The following CCBE1 variants were observed in gnomAD, a reference collection of about 807,000 sequenced individuals.
The protein encoded by CCBE1 is collagen and calcium binding EGF domains 1.
CCBE1 carries 37 observed loss-of-function variants against 50.0 expected under a neutral mutation model. The ratio of observed to expected loss-of-function variants is 0.74; its 90% CI spans 0.57 to 0.97. The LOEUF (loss-of-function observed/expected upper bound fraction) is 0.97. Among genes scored for constraint, CCBE1 ranks in the 50% least tolerant of loss-of-function variants. The pLI is 0.00. For missense variants in CCBE1, 538 were observed against 523.8 expected (o/e 1.03, Z -0.26); for synonymous variants, 234 against 203.7 (o/e 1.15, Z -1.27).
At chr18:59,536,983 T>G (rs1915275786) in intron 2 of CCBE1, among the ~76,000 whole-genome samples, 1 of 133,066 alleles carries the variant, frequency 7.5e-6, no homozygotes, top group South Asian at 2.4e-4. Context: ...AGAGTGAGAC[T>G]CTGTCTCAAA....
intron 2 of CCBE1, among the ~76,000 whole-genome samples, chr18:59,684,092 G>C (rs767337002): frequency 1.3e-5 from 2 of 152,164 alleles, no homozygotes; most frequent in Non-Finnish European, 2.9e-5. Flanking sequence ...TAAACACTGA[G>C]GGTTTCTGGA....
rs555160847 is a variant in CCBE1, at chr18:59,550,998, C to CAAA, written c.213-70763_213-70761dup. On this transcript the variant is annotated intron_variant, in intron 2 of 10. Transcript: ENST00000439986. ...CCAGCCTGGGCAACACAGCGAGACT[C>CAAA]AAAAAAAAAAAAAAAAAAAAAAAAA... 3.8e-3 allele frequency among the ~76,000 whole-genome samples: 268 copies of CAAA among 71,316 alleles called. 5 individuals are homozygous for CAAA. Among genetic ancestry groups the CAAA allele is most frequent in the Non-Finnish European group, 4.9e-3 (193 of 39,014 alleles). The allele number at this position is 71,316 out of a possible 152,430, so 46.8% of individuals were successfully genotyped here.
At chr18:59,551,548 A>G (rs1024427019) in intron 2 of CCBE1, among the ~76,000 whole-genome samples, 8 of 152,240 alleles carry the variant, frequency 5.3e-5, no homozygotes, top group Non-Finnish European at 1.0e-4. Flanking sequence ...TTTCAGCTAC[A>G]TTATAACCTT....
chr18:59,633,207 T>C (rs2053872608), intron 2 of CCBE1, among the ~76,000 whole-genome samples: 1 of 152,212 alleles, frequency 6.6e-6, no homozygotes, highest in Non-Finnish European at 1.5e-5. Context: ...CAAGTATTTA[T>C]GCAATTACAC....
Position 59,619,181 on chromosome 18 carries a change from T to C in CCBE1, c.212+77448A>G, listed in dbSNP as rs375509590. Among the ~76,000 whole-genome samples, 3 of 152,398 alleles carry C rather than the reference T, an allele frequency of 2.0e-5. No homozygotes were observed. The South Asian group carries it at 6.2e-4, about 32-fold the overall frequency. On this transcript the variant is annotated intron_variant, in intron 2 of 10. Coordinates refer to ENST00000439986, the MANE Select transcript of CCBE1 (RefSeq NM_133459.4). Reference sequence around the variant, plus strand: ...CCACCATTATATAGTACATGTTTACTTGAATGCTAAAATAAAATTTTAAAA... The same window carrying C: ...CCACCATTATATAGTACATGTTTACCTGAATGCTAAAATAAAATTTTAAAA...
chr18:59,461,501 T>C (rs1911473042), intron 5 of CCBE1, among the ~76,000 whole-genome samples: 1 of 152,138 alleles, frequency 6.6e-6, no homozygotes, highest in Non-Finnish European at 1.5e-5. Flanking sequence ...TGGTTACTGG[T>C]GTTTCAATTT....
intron 2 of CCBE1, among the ~76,000 whole-genome samples, chr18:59,527,076 G>C (rs1007069061): frequency 1.3e-5 from 2 of 151,874 alleles, no homozygotes; most frequent in African/African-American, 4.8e-5. Context: ...ATTTTCTCTC[G>C]ATGATCTAAT....
intron 2 of CCBE1, among the ~76,000 whole-genome samples, chr18:59,490,831 A>C (rs1291481525): frequency 6.6e-6 from 1 of 152,210 alleles, no homozygotes; most frequent in Non-Finnish European, 1.5e-5. Context: ...CTAGAGGTTT[A>C]CTTTACATAA....
intron 6 of CCBE1, among the ~76,000 whole-genome samples, chr18:59,448,838 T>A (rs1440796577): frequency 6.6e-6 from 1 of 152,182 alleles, no homozygotes; most frequent in Non-Finnish European, 1.5e-5. Context: ...TTTGTACAAC[T>A]TCAAGTCAGG....
At chr18:59,674,266 C>T (rs1451550924) in intron 2 of CCBE1, among the ~76,000 whole-genome samples, 1 of 152,148 alleles carries the variant, frequency 6.6e-6, no homozygotes, top group Non-Finnish European at 1.5e-5. Flanking sequence ...AAAAATGTGG[C>T]ACATATACAC....
chr18:59,436,190 C>T (rs770584933), intron 10 of CCBE1, 49 bp from the exon 11 acceptor site: 2 of 1,535,862 alleles, frequency 1.3e-6, no homozygotes, highest in East Asian at 2.2e-5. Flanking sequence ...ACAGCAATGG[C>T]CTCCGGGGCT....
At chr18:59,544,537 G>A (rs1915608088) in intron 2 of CCBE1, among the ~76,000 whole-genome samples, 1 of 152,178 alleles carries the variant, frequency 6.6e-6, no homozygotes, top group South Asian at 2.1e-4. Context: ...CTCTAAACTA[G>A]AAGAGGAATG....
intron 5 of CCBE1, chr18:59,455,345 T>A: frequency 2.9e-6 from 1 of 346,158 alleles, no homozygotes; most frequent in South Asian, 2.3e-5. Flanking sequence ...ATTCCCCAAG[T>A]GCAGGCACTG....
At chr18:59,549,200 A>G (rs1212338859) in intron 2 of CCBE1, among the ~76,000 whole-genome samples, 3 of 152,182 alleles carry the variant, frequency 2.0e-5, no homozygotes, top group Admixed American at 2.0e-4. Context: ...CAAGTATAAA[A>G]TATTCCACAC....
intron 2 of CCBE1, among the ~76,000 whole-genome samples, chr18:59,506,203 G>A (rs908375450): frequency 7.2e-5 from 11 of 152,212 alleles, no homozygotes; most frequent in South Asian, 2.1e-4. Context: ...GTCACGTAAA[G>A]ATGGAGGCAG....
At chr18:59,454,482 G>A (rs183320760) in intron 6 of CCBE1, among the ~76,000 whole-genome samples, 1 of 152,174 alleles carries the variant, frequency 6.6e-6, no homozygotes, top group Non-Finnish European at 1.5e-5. Context: ...CTGACCTCAG[G>A]TGATCCACCT....
intron 2 of CCBE1, among the ~76,000 whole-genome samples, chr18:59,619,587 A>G (rs975018354): frequency 2.6e-5 from 4 of 152,220 alleles, no homozygotes; most frequent in Non-Finnish European, 5.9e-5. Context: ...AGTTCTTTCT[A>G]TGATTTATCC....
intron 6 of CCBE1, among the ~76,000 whole-genome samples, chr18:59,452,611 CA>C (rs1449772354): frequency 6.6e-6 from 1 of 151,894 alleles, no homozygotes; most frequent in African/African-American, 2.4e-5. Context: ...ACAAAAACAA[CA>C]AAACCAACGG....
At chr18:59,535,821 A>G (rs910684865) in intron 2 of CCBE1, among the ~76,000 whole-genome samples, 8 of 152,226 alleles carry the variant, frequency 5.3e-5, no homozygotes, top group Non-Finnish European at 7.3e-5. Context: ...ATATAAGGAC[A>G]TTTATCAGAA....
Sources: allele counts gnomAD v4.1 joint callset (sites outside exome capture counted in the v4.1 genomes callset), GRCh38; gene constraint gnomAD v4.1.1; transcripts MANE v1.5; gene names NCBI Gene and HGNC (gene_info 2026-07-23, HGNC 2026-07-21).